WNT3: variants seen among roughly 807,000 people sequenced by gnomAD.
The protein encoded by WNT3 is Wnt family member 3.
WNT3 carries 7 observed loss-of-function variants against 34.2 expected under a neutral mutation model. The observed-to-expected ratio is 0.20, with a 90% CI of 0.12 to 0.38. The LOEUF is 0.38. Among genes scored for constraint, WNT3 ranks in the 10% least tolerant of loss-of-function variants. The pLI, the probability that WNT3 is intolerant of heterozygous loss-of-function variation, is 1.00. For synonymous variants in WNT3, 212 were observed against 211.5 expected (o/e 1.00, Z -0.02); for missense variants, 267 against 499.8 (o/e 0.53, Z 4.44).
chr17:46,798,206 G>A (rs1216361837), intron 1 of WNT3, among the ~76,000 whole-genome samples: 1 of 152,212 alleles, frequency 6.6e-6, no homozygotes, highest in Non-Finnish European at 1.5e-5. Flanking sequence ...TGGGATCACA[G>A]GCATGAGCCA....
chr17:46,778,790 T>C (rs1190083467), intron 1 of WNT3, among the ~76,000 whole-genome samples: 1 of 151,742 alleles, frequency 6.6e-6, no homozygotes, highest in Non-Finnish European at 1.5e-5. Flanking sequence ...GAAGCACCTC[T>C]CCACTGCCCG....
chr17:46,807,223 C>T (rs1210886749), intron 1 of WNT3, among the ~76,000 whole-genome samples: 1 of 152,266 alleles, frequency 6.6e-6, no homozygotes, highest in Non-Finnish European at 1.5e-5. Context: ...TGGCTTACGC[C>T]TGTCATCTCA....
At chr17:46,797,044 T>G (rs1268757526) in intron 1 of WNT3, among the ~76,000 whole-genome samples, 1 of 152,172 alleles carries the variant, frequency 6.6e-6, no homozygotes, top group Non-Finnish European at 1.5e-5. Context: ...AGGTTAAATA[T>G]TTTTGGAAAA....
At position 46,778,823 on chromosome 17, in the gene WNT3, C is replaced by T. The variant is rs117347792; in HGVS notation, c.81-4914G>A. 2.0e-3 allele frequency among the ~76,000 whole-genome samples: 304 copies of T among 152,184 alleles called. 1 individual carries two copies. The highest frequency in any genetic ancestry group is 3.5e-3 in the Non-Finnish European group (236 of 68,004). ...CCGGCCCCCGGCAACCATTCTACAC[C>T]ATCCTTTGAAACCTGATTCCTAGGT... is the stretch of plus-strand genomic sequence containing the variant. On this transcript the variant is annotated intron_variant, in intron 1 of 4. Coordinates refer to ENST00000225512, the MANE Select transcript of WNT3 (RefSeq NM_030753.5).
intron 1 of WNT3, among the ~76,000 whole-genome samples, chr17:46,785,147 C>G (rs2059493747): frequency 1.3e-5 from 2 of 152,200 alleles, no homozygotes; most frequent in Admixed American, 1.3e-4. Flanking sequence ...GGGGACCCCT[C>G]TCTGACCACA....
At chr17:46,816,260 T>C (rs1025027549) in intron 1 of WNT3, among the ~76,000 whole-genome samples, 1 of 151,610 alleles carries the variant, frequency 6.6e-6, no homozygotes, top group African/African-American at 2.4e-5. Flanking sequence ...TCTCTCTGTC[T>C]CTTACACATG....
intron 1 of WNT3, among the ~76,000 whole-genome samples, chr17:46,794,655 T>C (rs2084029563): frequency 1.3e-5 from 2 of 152,126 alleles, no homozygotes; most frequent in South Asian, 2.1e-4. Flanking sequence ...TATTGGTCTA[T>C]AGATGCCTGG....
intron 1 of WNT3, among the ~76,000 whole-genome samples, chr17:46,797,405 G>C (rs761840891): frequency 6.6e-6 from 1 of 152,200 alleles, no homozygotes; most frequent in East Asian, 1.9e-4. Flanking sequence ...AAGTGGAGGA[G>C]GGAAAGGAAA....
intron 1 of WNT3, among the ~76,000 whole-genome samples, chr17:46,798,245 A>G (rs539507262): frequency 6.6e-5 from 10 of 152,308 alleles, no homozygotes; most frequent in Non-Finnish European, 1.3e-4. Context: ...CAGTATTTTT[A>G]AGTAATGGAA....
intron 1 of WNT3, among the ~76,000 whole-genome samples, chr17:46,781,382 C>G (rs1414080636): frequency 1.3e-5 from 2 of 150,304 alleles, no homozygotes; most frequent in Admixed American, 1.3e-4. Flanking sequence ...AAAGACACGC[C>G]AGCTTAGGCA....
At chr17:46,771,065 G>A (rs2059362912) in intron 2 of WNT3, among the ~76,000 whole-genome samples, 1 of 152,196 alleles carries the variant, frequency 6.6e-6, no homozygotes, top group African/African-American at 2.4e-5. Context: ...CTCCCCTCCT[G>A]GGCTGTGGGC....
At chr17:46,780,455 C>A (rs979261742) in intron 1 of WNT3, among the ~76,000 whole-genome samples, 1 of 152,252 alleles carries the variant, frequency 6.6e-6, no homozygotes, top group African/African-American at 2.4e-5. Flanking sequence ...ACCCTATAAT[C>A]CAGCAATGCC....
In WNT3 at chr17:46,764,246, T is replaced by TATCA. The variant is rs1400205729; in HGVS notation, c.*383_*384insTGAT. 3 of 152,682 alleles carry TATCA rather than the reference T, an allele frequency of 2.0e-5. No individual in the cohort carries two copies. The highest frequency in any genetic ancestry group is 2.9e-5 in the Non-Finnish European group (2 of 68,068). The allele number at this position is 152,682 out of a possible 1,614,324, so 9.5% of individuals were successfully genotyped here. ...GGAAACAGAACCTTGCCCATGCTGA[T>TATCA]GTCTTGACTGCCAGGCTGAGAGCTC... On this transcript the variant is annotated 3_prime_UTR_variant, in exon 5 of 5. Transcript: ENST00000225512.
At chr17:46,813,657 C>T (rs1463063225) in intron 1 of WNT3, among the ~76,000 whole-genome samples, 1 of 152,060 alleles carries the variant, frequency 6.6e-6, no homozygotes, top group African/African-American at 2.4e-5. Context: ...TTCCCACTTC[C>T]TTTTCCCTGG....
intron 1 of WNT3, among the ~76,000 whole-genome samples, chr17:46,798,778 A>ATG (rs2084086183): frequency 1.3e-5 from 2 of 152,172 alleles, no homozygotes; most frequent in Admixed American, 1.3e-4. Context: ...GGCTGGGCGC[A>ATG]GTGGCTCACA....
intron 1 of WNT3, among the ~76,000 whole-genome samples, chr17:46,815,696 G>C (rs1307386005): frequency 6.6e-6 from 1 of 152,170 alleles, no homozygotes; most frequent in Non-Finnish European, 1.5e-5. Context: ...AGAAGGGCCA[G>C]TGACTCTAGT....
intron 1 of WNT3, 145 bp from the exon 2 acceptor site, chr17:46,774,054 C>T (rs964070601): frequency 2.1e-5 from 26 of 1,213,826 alleles, no homozygotes; most frequent in Middle Eastern, 2.7e-4. Flanking sequence ...CCTTTGACCT[C>T]GGGAGCATGC....
intron 1 of WNT3, among the ~76,000 whole-genome samples, chr17:46,780,969 C>T (rs866985152): frequency 6.6e-5 from 10 of 151,860 alleles, no homozygotes; most frequent in Non-Finnish European, 1.3e-4. Context: ...GGTGTGGTGG[C>T]GGTAATGCCA....
chr17:46,782,138 G>A (rs2059466919), intron 1 of WNT3, among the ~76,000 whole-genome samples: 1 of 152,216 alleles, frequency 6.6e-6, no homozygotes, highest in Non-Finnish European at 1.5e-5. Flanking sequence ...GTCTCCCCAA[G>A]TCATGCCTTC....
Sources: gnomAD v4.1 joint callset for allele counts (sites outside exome capture counted in the v4.1 genomes callset) on GRCh38, gnomAD v4.1.1 for gene constraint, MANE v1.5 for transcripts, NCBI Gene and HGNC (gene_info 2026-07-23, HGNC 2026-07-21) for gene names.